The following PELI3 variants were observed in gnomAD, a reference collection of about 807,000 sequenced individuals.
The protein encoded by PELI3 is E3 ubiquitin-protein ligase pellino homolog 3.
PELI3 carries 19 observed loss-of-function variants against 35.5 expected under a neutral mutation model. The ratio of observed to expected loss-of-function variants is 0.54; its 90% CI spans 0.37 to 0.79. The LOEUF (loss-of-function observed/expected upper bound fraction) is 0.79. Ranked by LOEUF, PELI3 falls within the 30% of genes least tolerant of loss-of-function variation. PELI3 has a pLI of 0.00. For synonymous variants in PELI3, 262 were observed against 279.2 expected, an observed-to-expected ratio of 0.94 and a Z score of 0.62; for missense variants, 490 against 661.2, an observed-to-expected ratio of 0.74 and a Z score of 2.84.
intron 3 of PELI3, among the ~76,000 whole-genome samples, chr11:66,469,863 G>A (rs1051448865): frequency 2.7e-5 from 4 of 146,132 alleles, no homozygotes; most frequent in East Asian, 2.0e-4. Context: ...ACAGTGGCAC[G>A]ATATCAGTTC....
chr11:66,474,305 T>C lies in PELI3; in HGVS notation c.840+380T>C, dbSNP rs1001366635. ...GTTTATAGCCTAAAGGGTTGGCAGT[T>C]TGTAGCATGTCTATCACGTTCAGAC... On this transcript the variant is annotated intron_variant, in intron 7 of 7. Coordinates refer to ENST00000320740, the MANE Select transcript of PELI3 (RefSeq NM_145065.3). 6 of 567,978 alleles carry C rather than the reference T, an allele frequency of 1.1e-5. No individual in the cohort carries two copies. In the African/African-American group the frequency reaches 1.1e-4, roughly 11 times the overall value. 35.2% of individuals were successfully genotyped at this position (567,978 alleles called of 1,614,324 possible). A position where few individuals can be genotyped will look rare whatever the true frequency, so the allele number is the denominator to read the frequency against.
At chr11:66,470,013 T>C (rs1287402585) in intron 3 of PELI3, among the ~76,000 whole-genome samples, 1 of 152,098 alleles carries the variant, frequency 6.6e-6, no homozygotes, top group Non-Finnish European at 1.5e-5. Context: ...TTGGCCAGGC[T>C]GGTCTTGAAC....
rs1371494371 is a variant in PELI3 at position 66,475,757 on chromosome 11, G to A, written c.1000G>A (p.Val334Met). The A allele has an allele frequency of 4.3e-6, 7 of 1,610,390 alleles. No homozygotes were observed. The highest frequency in any genetic ancestry group is 2.7e-5 in the African/African-American group (2 of 74,890). ...EANAARPQCPVGLSTLAFPSP... is the reference protein window; with the variant it reads ...EANAARPQCPMGLSTLAFPSP... ...AAATGCAGCGCGGCCCCAGTGCCCC[G>A]TGGGCCTCAGCACTCTGGCCTTCCC... The change falls in exon 8 of 8, where the codon GTG becomes ATG. Residue 334 changes from valine (V) to methionine (M), a missense_variant. By Grantham distance (21) the Val-to-Met change is conservative. Around this residue, in one of 3 missense-constraint regions of PELI3, gnomAD observed 349 missense variants for 484.8 expected, o/e 0.72. Transcript: ENST00000320740.
chr11:66,466,615 G>A (rs1854533026), upstream of PELI3: 1 of 152,380 alleles, frequency 6.6e-6, no homozygotes, highest in African/African-American at 2.4e-5. Context: ...TCTGAAATGG[G>A]GGAGGGGTCG....
chr11:66,475,664 T>C lies in PELI3; in HGVS notation c.907T>C (p.Trp303Arg). The C allele has an allele frequency of 6.2e-7, 1 of 1,612,610 alleles. No individual in the cohort carries two copies. The highest frequency in any genetic ancestry group is 1.7e-4 in the Middle Eastern group (1 of 6,054). Residue 303 changes from tryptophan (W) to arginine (R), a missense_variant, in exon 8 of 8, where the codon TGG (tryptophan) becomes CGG (arginine). Transcript: ENST00000320740. ...CGACCTGTGTGGGGCCACACTGCTG[T>C]GGCGCACACCGGCGGGGCTGCTGCG... ...LIDLCGATLLWRTPAGLLRAP... is the reference protein window; with the variant it reads ...LIDLCGATLLRRTPAGLLRAP...
intron 4 of PELI3, among the ~76,000 whole-genome samples, chr11:66,472,135 A>G (rs1439664605): frequency 1.3e-5 from 2 of 151,662 alleles, no homozygotes; most frequent in Non-Finnish European, 2.9e-5. Context: ...CAGCCTCCCA[A>G]AATGCTGGGA....
Position 66,473,228 on chromosome 11 carries a change from C to G in PELI3, c.457-13C>G. ...GTACATACAGTCCCTGCTTGCTCTCCCTGTCCTCACAGATTGGCCGCTCCA... is the reference window on the plus strand; with the variant it reads ...GTACATACAGTCCCTGCTTGCTCTCGCTGTCCTCACAGATTGGCCGCTCCA... On this transcript the variant is annotated splice_polypyrimidine_tract_variant and intron_variant, in intron 5 of 7. Coordinates refer to ENST00000320740, the MANE Select transcript of PELI3 (RefSeq NM_145065.3). The surrounding 1 kb of genome is among the most constrained non-coding windows in gnomAD (Gnocchi z 5.8). 1 of 1,600,536 alleles carries G rather than the reference C, an allele frequency of 6.2e-7. No individual in the cohort carries two copies. Among genetic ancestry groups the G allele is most frequent in the East Asian group, 2.2e-5 (1 of 44,770 alleles).
At chr11:66,474,361 G>A in intron 7 of PELI3, 3 of 458,114 alleles carry the variant, frequency 6.5e-6, no homozygotes, top group South Asian at 5.3e-5. Flanking sequence ...CTCGCAGGAG[G>A]AAAGGGTCCT....
intron 3 of PELI3, 125 bp downstream of exon 3, chr11:66,469,029 C>G: frequency 1.9e-6 from 1 of 532,778 alleles, no homozygotes; most frequent in Non-Finnish European, 3.5e-6. Flanking sequence ...GAGGAAGCAA[C>G]GTGATCTGGC....
intron 5 of PELI3, 40 bp downstream of exon 5, chr11:66,472,510 C>A: frequency 6.5e-7 from 1 of 1,531,814 alleles, no homozygotes; most frequent in Non-Finnish European, 9.0e-7. Flanking sequence ...GGCCACCAGG[C>A]CTCTAGGCTC....
intron 5 of PELI3, among the ~76,000 whole-genome samples, chr11:66,472,861 G>T (rs1008455961): frequency 6.6e-6 from 1 of 152,206 alleles, no homozygotes; most frequent in Non-Finnish European, 1.5e-5. Context: ...ATTAACTTAG[G>T]CATTGCATAT....
Position 66,468,004 on chromosome 11 carries a change from G to A in PELI3, c.-1-124G>A, listed in dbSNP as rs955886830. On this transcript the variant is annotated intron_variant, in intron 1 of 7. Coordinates refer to ENST00000320740, the MANE Select transcript of PELI3 (RefSeq NM_145065.3). ...AGGCAGAGGGGAAGTGGTTGCCATA[G>A]CAGTAGAGGCGGTGAAAGGTCACCC... The A allele has an allele frequency of 1.1e-5, 13 of 1,224,146 alleles. No individual in the cohort carries two copies. In the Admixed American group the frequency reaches 3.9e-4, roughly 37 times the overall value. The allele number at this position is 1,224,146 out of a possible 1,614,324, so 75.8% of individuals were successfully genotyped here.
Position 66,476,287 on chromosome 11 carries a change from T to A in PELI3, c.*120T>A. 3 of 1,125,174 alleles carry A rather than the reference T, an allele frequency of 2.7e-6. No individual in the cohort carries two copies. The highest frequency in any genetic ancestry group is 3.7e-6 in the Non-Finnish European group (3 of 812,188). The allele number at this position is 1,125,174 out of a possible 1,614,324, so 69.7% of individuals were successfully genotyped here. A position where few individuals can be genotyped will look rare whatever the true frequency, so the allele number is the denominator to read the frequency against. ...CTGGCACAGCCACACCAGATGGACA[T>A]GTTGGATGGGCTGTGCCCTTCCCCC... On this transcript the variant is annotated 3_prime_UTR_variant, in exon 8 of 8. Transcript: ENST00000320740.
Position 66,473,390 on chromosome 11 carries a change from C to A in PELI3, c.606C>A (p.Arg202=). 6.2e-7 allele frequency: 1 copy of A among 1,613,608 alleles called. No individual in the cohort carries two copies. Among genetic ancestry groups the A allele is most frequent in the Middle Eastern group, 1.6e-4 (1 of 6,062 alleles). ...ACCGCCGGCCACCCTATACTGCCCG[C>A]ATCTATGCCGCTGGCTTCGATGCCT... ...LCDRRPPYTA[R]IYAAGFDASS... Residue 202 remains arginine, a synonymous_variant, in exon 6 of 8, where the codon CGC becomes CGA. Coordinates refer to ENST00000320740, the MANE Select transcript of PELI3 (RefSeq NM_145065.3). This position sits in a 1 kb window ranked among gnomAD's most constrained non-coding sequence, Gnocchi z 5.8.
At chr11:66,469,038 G>A in intron 3 of PELI3, 134 bp downstream of exon 3, 1 of 541,532 alleles carries the variant, frequency 1.8e-6, no homozygotes, top group Non-Finnish European at 3.4e-6. Context: ...ACGTGATCTG[G>A]CGGCCTGGCC....
At position 66,467,011 on chromosome 11, in the gene PELI3, G is replaced by T. The variant is rs1176041241; in HGVS notation, c.-18G>T. The T allele has an allele frequency of 6.7e-6, 1 of 149,428 alleles. No individual in the cohort carries two copies. Among genetic ancestry groups the T allele is most frequent in the Non-Finnish European group, 1.5e-5 (1 of 67,002 alleles). 9.3% of individuals were successfully genotyped at this position (149,428 alleles called of 1,614,324 possible). On this transcript the variant is annotated 5_prime_UTR_variant, in exon 1 of 8. Coordinates refer to ENST00000320740, the MANE Select transcript of PELI3 (RefSeq NM_145065.3). This position sits in a 1 kb window ranked among gnomAD's most constrained non-coding sequence, Gnocchi z 4.2. ...CGGGGAGGGAGCGGCGCCCAGCGGGGCCCGGAGCGTGGCCAGGTGAGGCCG... is the reference window on the plus strand; with the variant it reads ...CGGGGAGGGAGCGGCGCCCAGCGGGTCCCGGAGCGTGGCCAGGTGAGGCCG...
At position 66,473,178 on chromosome 11, in the gene PELI3, G is replaced by A; in HGVS notation, c.457-63G>A. The A allele has an allele frequency of 6.9e-7, 1 of 1,454,788 alleles. No individual in the cohort carries two copies. The highest frequency in any genetic ancestry group is 9.3e-7 in the Non-Finnish European group (1 of 1,077,324). The allele number at this position is 1,454,788 out of a possible 1,614,324, so 90.1% of individuals were successfully genotyped here. The stretch of plus-strand genomic sequence containing the variant: ...CAGAGCAGCTGCTGGTACTCTGGGA[G>A]GGAAGGCCCATGAGAGTCCCCTATG... On this transcript the variant is annotated intron_variant, in intron 5 of 7. Transcript: ENST00000320740. The surrounding 1 kb of genome is among the most constrained non-coding windows in gnomAD (Gnocchi z 5.8).
At chr11:66,470,937 C>T (rs961391180) in intron 3 of PELI3, among the ~76,000 whole-genome samples, 3 of 152,140 alleles carry the variant, frequency 2.0e-5, no homozygotes, top group African/African-American at 4.8e-5. Context: ...ACAACTGACC[C>T]GTGGTGCATC....
At chr11:66,475,483 T>TCTGCCCTGC (rs1170399129) in intron 7 of PELI3, 115 bp from the exon 8 acceptor site, 1 of 1,171,904 alleles carries the variant, frequency 8.5e-7, no homozygotes, top group Non-Finnish European at 1.2e-6. Context: ...GCCTTGCTCC[T>TCTGCCCTGC]CTGCCCTGCC....
Sources: allele counts gnomAD v4.1 joint callset (sites outside exome capture counted in the v4.1 genomes callset), GRCh38; gene constraint gnomAD v4.1.1; regional missense constraint gnomAD v4.1.1; non-coding constraint Gnocchi (gnomAD v3.1); transcripts MANE v1.5; gene names NCBI Gene and HGNC (gene_info 2026-07-23, HGNC 2026-07-21).